SMAD1: variants seen among roughly 807,000 people sequenced by gnomAD.
SMAD1 encodes MAD, mothers against decapentaplegic homolog 1.
Under a neutral mutation model 41.6 loss-of-function variants are expected in SMAD1, and 6 were observed. The ratio of observed to expected loss-of-function variants is 0.14; its 90% CI spans 0.08 to 0.28. The LOEUF is 0.28. Ranked by LOEUF, SMAD1 falls within the 10% of genes least tolerant of loss-of-function variation. The probability of loss-of-function intolerance (pLI) is 1.00; values close to 1 mark genes in which losing one functional copy is unlikely to be tolerated. For missense variants in SMAD1, 379 were observed against 582.6 expected (o/e 0.65, Z 3.60); for synonymous variants, 206 against 203.2 (o/e 1.01, Z -0.12).
intron 1 of SMAD1, among the ~76,000 whole-genome samples, chr4:145,495,453 A>G (rs1478308309): frequency 2.0e-5 from 3 of 152,158 alleles, no homozygotes; most frequent in Non-Finnish European, 2.9e-5. Context: ...TATCTATGTT[A>G]AAATATACCT....
chr4:145,533,306 AAG>A (rs1421863745), intron 2 of SMAD1, among the ~76,000 whole-genome samples: 1 of 152,254 alleles, frequency 6.6e-6, no homozygotes, highest in East Asian at 1.9e-4. Context: ...TGAAATTGAC[AAG>A]AGTCACCTAT....
chr4:145,493,235 C>T (rs1165948022), intron 1 of SMAD1, among the ~76,000 whole-genome samples: 1 of 152,030 alleles, frequency 6.6e-6, no homozygotes, highest in Non-Finnish European at 1.5e-5. Flanking sequence ...AAGAGAAATG[C>T]CAGGAAAATC....
At chr4:145,538,786 G>A (rs1000753659) in intron 2 of SMAD1, among the ~76,000 whole-genome samples, 20 of 152,162 alleles carry the variant, frequency 1.3e-4, no homozygotes, top group Non-Finnish European at 2.4e-4. Flanking sequence ...AGGAGCTGGA[G>A]GGATTGCAAA....
At chr4:145,544,648 T>C (rs1560760206) in intron 4 of SMAD1, 1 of 152,144 alleles carries the variant, frequency 6.6e-6, no homozygotes, top group Non-Finnish European at 1.5e-5. Flanking sequence ...TGCAGTGTCA[T>C]AAATTGGAAT....
chr4:145,550,056 G>T (rs1157554785), intron 5 of SMAD1, among the ~76,000 whole-genome samples: 1 of 152,012 alleles, frequency 6.6e-6, no homozygotes, highest in African/African-American at 2.4e-5. Context: ...AAAGAATCTT[G>T]GAATGCTGTT....
intron 1 of SMAD1, among the ~76,000 whole-genome samples, chr4:145,506,035 G>T (rs1416034025): frequency 6.6e-6 from 1 of 151,826 alleles, no homozygotes; most frequent in Admixed American, 6.6e-5. Flanking sequence ...GTAGATACAG[G>T]GTTTCACCAT....
chr4:145,509,351 G>T (rs1423325653), intron 1 of SMAD1, among the ~76,000 whole-genome samples: 1 of 152,148 alleles, frequency 6.6e-6, no homozygotes, highest in African/African-American at 2.4e-5. Context: ...TACTTAGCAG[G>T]TGCTTAATAC....
At chr4:145,488,476 T>TTGTGTGTG (rs60369536) in intron 1 of SMAD1, among the ~76,000 whole-genome samples, 56 of 148,730 alleles carry the variant, frequency 3.8e-4, no homozygotes, top group South Asian at 2.4e-3. Context: ...CCCTGTCTTT[T>TTGTGTGTG]TGTGTGTGTG....
chr4:145,530,344 G>T (rs1731256587), intron 2 of SMAD1, among the ~76,000 whole-genome samples: 1 of 152,158 alleles, frequency 6.6e-6, no homozygotes, highest in African/African-American at 2.4e-5. Context: ...TATGAAACTA[G>T]CAGATGAAAA....
chr4:145,541,077 A>G (rs1731905486), intron 3 of SMAD1, among the ~76,000 whole-genome samples: 1 of 152,072 alleles, frequency 6.6e-6, no homozygotes, highest in Non-Finnish European at 1.5e-5. Flanking sequence ...TTAAAAATCA[A>G]AGTAACTGGT....
rs533076072 is a variant in SMAD1 at position 145,508,532 on chromosome 4, A to T, written c.-176-5906A>T. 2.6e-5 allele frequency among the ~76,000 whole-genome samples: 4 copies of T among 152,194 alleles called. No individual in the cohort carries two copies. The South Asian group carries it at 8.4e-4, about 32-fold the overall frequency. ...AGATTAAACTGGTTAATAGATAAACAGCAGTGAACAGTGTTTGTCAAGTAA... is the reference window on the plus strand; with the variant it reads ...AGATTAAACTGGTTAATAGATAAACTGCAGTGAACAGTGTTTGTCAAGTAA... On this transcript the variant is annotated intron_variant, in intron 1 of 6. Transcript: ENST00000302085.
At chr4:145,511,353 T>C (rs1477838008) in intron 1 of SMAD1, among the ~76,000 whole-genome samples, 5 of 152,130 alleles carry the variant, frequency 3.3e-5, no homozygotes, top group African/African-American at 1.2e-4. Flanking sequence ...TCATAACACC[T>C]ATCATAACTC....
intron 5 of SMAD1, among the ~76,000 whole-genome samples, chr4:145,549,329 C>T (rs1181666609): frequency 6.6e-6 from 1 of 152,122 alleles, no homozygotes; most frequent in Non-Finnish European, 1.5e-5. Flanking sequence ...ATATAAGAGA[C>T]TATCCCTATT....
chr4:145,542,709 T>C lies in SMAD1; in HGVS notation c.775+11T>C. On this transcript the variant is annotated intron_variant, in intron 4 of 6. Coordinates refer to ENST00000302085, the MANE Select transcript of SMAD1 (RefSeq NM_005900.3). ...AAATCAACAGAGGAGGTAAAACTAA[T>C]TGCTGCCTGTTCCCTTTTTTAGAGT... The C allele has an allele frequency of 6.5e-7, 1 of 1,530,432 alleles. No individual in the cohort carries two copies. The highest frequency in any genetic ancestry group is 2.3e-5 in the East Asian group (1 of 44,208). The allele number at this position is 1,530,432 out of a possible 1,614,324, so 94.8% of individuals were successfully genotyped here. A position where few individuals can be genotyped will look rare whatever the true frequency, so the allele number is the denominator to read the frequency against.
chr4:145,538,882 C>T (rs1376286234), intron 2 of SMAD1, among the ~76,000 whole-genome samples: 1 of 152,134 alleles, frequency 6.6e-6, no homozygotes, highest in African/African-American at 2.4e-5. Flanking sequence ...CTGTAACTGA[C>T]TGTTAGCCAG....
chr4:145,514,862 G>A lies in SMAD1; in HGVS notation c.249G>A (p.Leu83=). 6.2e-7 allele frequency: 1 copy of A among 1,614,052 alleles called. No homozygotes were observed. The highest frequency in any genetic ancestry group is 1.1e-5 in the South Asian group (1 of 91,072). Residue 83 remains leucine (L), a synonymous_variant, in exon 2 of 7, where the codon CTG becomes CTA. Transcript: ENST00000302085. The surrounding 1 kb of genome is among the most constrained non-coding windows in gnomAD (Gnocchi z 4.7). ...TGCAAGTCTCCCACCGGAAGGGACT[G>A]CCTCATGTCATTTACTGCCGTGTGT... ...GRLQVSHRKG[L]PHVIYCRVWR... is the part of the protein sequence containing the mutation.
At chr4:145,501,125 T>C (rs1729412617) in intron 1 of SMAD1, among the ~76,000 whole-genome samples, 1 of 152,264 alleles carries the variant, frequency 6.6e-6, no homozygotes, top group African/African-American at 2.4e-5. Flanking sequence ...TTTCTCATTC[T>C]GGGTTTTGTC....
intron 2 of SMAD1, among the ~76,000 whole-genome samples, chr4:145,537,645 T>C (rs1731689944): frequency 6.6e-6 from 1 of 152,140 alleles, no homozygotes; most frequent in African/African-American, 2.4e-5. Context: ...AGTTTATATA[T>C]ATAACAAGAT....
At chr4:145,492,156 T>A (rs1417971626) in intron 1 of SMAD1, among the ~76,000 whole-genome samples, 1 of 152,104 alleles carries the variant, frequency 6.6e-6, no homozygotes, top group African/African-American at 2.4e-5. Flanking sequence ...ACAAAATACT[T>A]TTGTGACTAA....
Sources: gnomAD v4.1 joint callset for allele counts (sites outside exome capture counted in the v4.1 genomes callset) on GRCh38, gnomAD v4.1.1 for gene constraint, Gnocchi (gnomAD v3.1) non-coding constraint, MANE v1.5 for transcripts, NCBI Gene and HGNC (gene_info 2026-07-23, HGNC 2026-07-21) for gene names.